The following SRPK2 variants were observed in gnomAD, a reference collection of about 807,000 sequenced individuals.
The protein encoded by SRPK2 is SFRS protein kinase 2.
A neutral mutation model predicts 90.8 loss-of-function variants in SRPK2; 21 were observed. The observed-to-expected ratio is 0.23, with a 90% CI of 0.16 to 0.33. The LOEUF (loss-of-function observed/expected upper bound fraction) is 0.33, where lower values mean the gene tolerates loss of function less well. Among genes scored for constraint, SRPK2 ranks in the 10% least tolerant of loss-of-function variants. The pLI, the probability that SRPK2 is intolerant of heterozygous loss-of-function variation, is 1.00. For missense variants in SRPK2, 620 were observed against 869.0 expected, an observed-to-expected ratio of 0.71 and a Z score of 3.60; for synonymous variants, 288 against 311.1, an observed-to-expected ratio of 0.93 and a Z score of 0.78.
chr7:105,194,302 A>T (rs1439496155), intron 3 of SRPK2, among the ~76,000 whole-genome samples: 2 of 152,202 alleles, frequency 1.3e-5, no homozygotes, highest in East Asian at 3.8e-4. Flanking sequence ...GATTAGAAAC[A>T]AGACAAGGGA....
chr7:105,368,887 A>C (rs1378026935), intron 2 of SRPK2, among the ~76,000 whole-genome samples: 2 of 103,572 alleles, frequency 1.9e-5, no homozygotes, highest in Non-Finnish European at 3.9e-5. Context: ...TCTATCTCAA[A>C]AAAAAAAAAA....
chr7:105,386,374 TGAA>T (rs1821605770), intron 2 of SRPK2, among the ~76,000 whole-genome samples: 2 of 151,218 alleles, frequency 1.3e-5, no homozygotes, highest in African/African-American at 4.9e-5. Context: ...AAATACCTAT[TGAA>T]GACATGAATA....
At chr7:105,324,514 A>C (rs1813341217) in intron 2 of SRPK2, among the ~76,000 whole-genome samples, 1 of 152,180 alleles carries the variant, frequency 6.6e-6, no homozygotes. Context: ...AATCTAGCTA[A>C]TGAATGTGCA....
At chr7:105,158,802 G>GT (rs1008302927) in intron 7 of SRPK2, among the ~76,000 whole-genome samples, 10 of 142,410 alleles carry the variant, frequency 7.0e-5, no homozygotes, top group East Asian at 2.1e-4. Flanking sequence ...ATTTTTTTGT[G>GT]TTTTTTTGTG....
intron 2 of SRPK2, among the ~76,000 whole-genome samples, chr7:105,257,979 C>T (rs1447420916): frequency 6.6e-6 from 1 of 151,790 alleles, no homozygotes; most frequent in African/African-American, 2.4e-5. Context: ...TGGTGGCACG[C>T]GCCTGTAGTC....
At position 105,379,526 on chromosome 7, in the gene SRPK2, A is replaced by T. The variant is rs181812710; in HGVS notation, c.71+9122T>A. On this transcript the variant is annotated intron_variant, in intron 2 of 15. Transcript: ENST00000393651. Reference sequence around the variant, plus strand: ...ACAGACAAAACTAATCAATAATGATAGATATCAAAAAAGTTGTTGCTCCTA... The same window carrying T: ...ACAGACAAAACTAATCAATAATGATTGATATCAAAAAAGTTGTTGCTCCTA... Among the ~76,000 whole-genome samples, 133 of 152,342 alleles carry T rather than the reference A, an allele frequency of 8.7e-4. 1 individual carries two copies. The highest frequency in any genetic ancestry group is 3.0e-3 in the African/African-American group (125 of 41,580).
downstream of SRPK2, chr7:105,115,469 A>C (rs929641733): frequency 2.6e-5 from 4 of 152,144 alleles, no homozygotes; most frequent in Non-Finnish European, 5.9e-5. Context: ...TATGTGATCC[A>C]CTGCTTGTCA....
At chr7:105,167,281 G>C in intron 6 of SRPK2, 96 bp downstream of exon 6, 1 of 956,204 alleles carries the variant, frequency 1.0e-6, no homozygotes, top group East Asian at 2.6e-5. Flanking sequence ...TGTTTATGTT[G>C]AAGGTGATAC....
At chr7:105,316,872 A>C (rs139453230) in intron 2 of SRPK2, among the ~76,000 whole-genome samples, 22 of 152,298 alleles carry the variant, frequency 1.4e-4, no homozygotes, top group East Asian at 5.8e-4. Flanking sequence ...AGACCTGTTT[A>C]TCTCATTTGC....
upstream of SRPK2, among the ~76,000 whole-genome samples, chr7:105,390,234 CAATGT>C: frequency 6.6e-6 from 1 of 152,216 alleles, no homozygotes; most frequent in Non-Finnish European, 1.5e-5. Context: ...CATACTAATA[CAATGT>C]AATCATCTGT....
chr7:105,125,627 T>A (rs1344543366), intron 15 of SRPK2, among the ~76,000 whole-genome samples: 1 of 152,202 alleles, frequency 6.6e-6, no homozygotes, highest in Non-Finnish European at 1.5e-5. Context: ...ACTCCAGGTA[T>A]CAGATGGGTC....
intron 3 of SRPK2, among the ~76,000 whole-genome samples, chr7:105,179,814 G>A (rs1354445037): frequency 1.2e-5 from 1 of 85,178 alleles, no homozygotes; most frequent in Non-Finnish European, 2.0e-5. Context: ...AACACAGTAA[G>A]AGTCCATCTC....
intron 2 of SRPK2, among the ~76,000 whole-genome samples, chr7:105,282,895 T>TAAAA (rs34535552): frequency 6.7e-6 from 1 of 148,778 alleles, no homozygotes; most frequent in Non-Finnish European, 1.5e-5. Flanking sequence ...ACGTAACTGA[T>TAAAA]AAAAAAAAAA....
At chr7:105,394,911 C>A (rs1822279550) in intron 1 of SRPK2, among the ~76,000 whole-genome samples, 1 of 152,186 alleles carries the variant, frequency 6.6e-6, no homozygotes, top group South Asian at 2.1e-4. Flanking sequence ...TGGCTTACGC[C>A]TGTAATCCCA....
intron 2 of SRPK2, chr7:105,206,437 TCAGACCCTG>T (rs1050029026): frequency 6.1e-6 from 1 of 163,546 alleles, no homozygotes; most frequent in Non-Finnish European, 1.4e-5. Context: ...CTCAAAATTC[TCAGACCCTG>T]CAGTCTAAGT....
chr7:105,308,204 C>G (rs1438898743), intron 2 of SRPK2, among the ~76,000 whole-genome samples: 1 of 152,106 alleles, frequency 6.6e-6, no homozygotes, highest in East Asian at 1.9e-4. Context: ...CAAAAACATG[C>G]TGGAAACAAA....
chr7:105,142,347 G>A lies in SRPK2; in HGVS notation c.1204C>T (p.Pro402Ser). The A allele has an allele frequency of 3.7e-6, 6 of 1,613,956 alleles. No homozygotes were observed. Among genetic ancestry groups the A allele is most frequent in the Non-Finnish European group, 5.1e-6 (6 of 1,179,990 alleles). The change falls in exon 11 of 16, where the codon CCA (proline) becomes TCA (serine). Residue 402 changes from proline to serine, a missense_variant. By Grantham distance (74) the Pro-to-Ser change is moderately conservative (BLOSUM62 -1). Transcript: ENST00000393651. ...PKTNGHIENG[P>S]FSLEQQLDDE... ...TCCAGTTGCTGCTCCAGTGAGAATG[G>A]GCCATTCTCAATATGGCCATTGGTT... is the stretch of plus-strand genomic sequence containing the variant.
intron 2 of SRPK2, among the ~76,000 whole-genome samples, chr7:105,280,986 C>A (rs1362698490): frequency 2.6e-5 from 3 of 117,618 alleles, no homozygotes; most frequent in Middle Eastern, 5.4e-3. Context: ...AAAAAAAAAA[C>A]CTTGTTTATA....
intron 2 of SRPK2, among the ~76,000 whole-genome samples, chr7:105,209,611 G>GAAAGGGGAAAGAAAAGGGGAAAGA (rs1404628363): frequency 3.3e-5 from 5 of 151,370 alleles, no homozygotes; most frequent in African/African-American, 1.2e-4. Context: ...AAGGAAAAAG[G>GAAAGGGGAAAGAAAAGGGGAAAGA]AAAGGGGAAA....
Sources: allele counts gnomAD v4.1 joint callset (sites outside exome capture counted in the v4.1 genomes callset), GRCh38; gene constraint gnomAD v4.1.1; transcripts MANE v1.5; gene names NCBI Gene and HGNC (gene_info 2026-07-23, HGNC 2026-07-21).